Variants in EPB41L1 observed in about 807,000 individuals in gnomAD.
EPB41L1 encodes the protein band 4.1-like protein 1.
EPB41L1 carries 29 observed loss-of-function variants against 97.8 expected under a neutral mutation model. That is an observed-to-expected ratio of 0.30 (90% CI 0.22 to 0.40). EPB41L1 has a LOEUF of 0.40. Ranked by LOEUF, EPB41L1 falls within the 10% of genes least tolerant of loss-of-function variation. The probability of loss-of-function intolerance (pLI) is 1.00; values close to 1 mark genes in which losing one functional copy is unlikely to be tolerated. For synonymous variants in EPB41L1, 383 were observed against 459.2 expected (o/e 0.83, Z 2.12); for missense variants, 812 against 1,162.3 (o/e 0.70, Z 4.38).
intron 1 of EPB41L1, among the ~76,000 whole-genome samples, chr20:36,159,361 T>C (rs753515366): frequency 1.3e-5 from 2 of 152,232 alleles, no homozygotes; most frequent in African/African-American, 2.4e-5. Flanking sequence ...GAACATCCAC[T>C]GGATAAAATA....
In EPB41L1 at chr20:36,185,142, G is replaced by A. The variant is rs1490508752; in HGVS notation, c.592G>A (p.Ala198Thr). The A allele has an allele frequency of 6.2e-7, 1 of 1,612,566 alleles. No homozygotes were observed. Among genetic ancestry groups the A allele is most frequent in the South Asian group, 1.1e-5 (1 of 91,016 alleles). The part of the protein sequence containing the change: ...TRYYLCLQLR[A>T]DIITGRLPCS... ...ATACTACCTGTGCCTGCAGCTGCGGGCAGACATCATCACGGGCCGGCTGCC... is the reference window on the plus strand; with the variant it reads ...ATACTACCTGTGCCTGCAGCTGCGGACAGACATCATCACGGGCCGGCTGCC... The change falls in exon 7 of 22, where the codon GCA becomes ACA. Residue 198 changes from alanine (A) to threonine (T), a missense_variant. Physicochemically the swap from Ala to Thr is moderately conservative, Grantham distance 58. Coordinates refer to ENST00000338074, the MANE Select transcript of EPB41L1 (RefSeq NM_012156.2).
At chr20:36,175,464 C>T in intron 2 of EPB41L1, 87 bp from the exon 3 acceptor site, 1 of 1,522,848 alleles carries the variant, frequency 6.6e-7, no homozygotes, top group East Asian at 2.3e-5. Context: ...GTCTTGGCCC[C>T]AGATGCCTCT....
chr20:36,157,606 GGT>G (rs147240689), intron 1 of EPB41L1, among the ~76,000 whole-genome samples: 11 of 151,760 alleles, frequency 7.2e-5, no homozygotes, highest in Non-Finnish European at 1.2e-4. Flanking sequence ...GTGTGTGAGG[GGT>G]GTGTGTGTGT....
intron 2 of EPB41L1, among the ~76,000 whole-genome samples, chr20:36,145,395 C>CAAA (rs1188803832): frequency 2.1e-4 from 14 of 65,624 alleles, no homozygotes; most frequent in African/African-American, 6.9e-4. Flanking sequence ...GACTCCATCT[C>CAAA]AAAAAAAAAA....
At chr20:36,211,865 T>C (rs1350753288) in intron 15 of EPB41L1, among the ~76,000 whole-genome samples, 1 of 151,634 alleles carries the variant, frequency 6.6e-6, no homozygotes, top group Non-Finnish European at 1.5e-5. Flanking sequence ...AGAAAAAAAA[T>C]AGAAGAGTTC....
chr20:36,181,558 A>G (rs1275527430), intron 5 of EPB41L1, among the ~76,000 whole-genome samples: 1 of 152,154 alleles, frequency 6.6e-6, no homozygotes, highest in Non-Finnish European at 1.5e-5. Context: ...CTTGTTTATA[A>G]TCCAATCCTG....
intron 1 of EPB41L1, among the ~76,000 whole-genome samples, chr20:36,103,445 A>G (rs2058085353): frequency 6.6e-6 from 1 of 152,108 alleles, no homozygotes; most frequent in South Asian, 2.1e-4. Context: ...GTAGGGCAAT[A>G]AGAACTTAAA....
chr20:36,140,724 T>C (rs181563787), intron 2 of EPB41L1, among the ~76,000 whole-genome samples: 64 of 152,300 alleles, frequency 4.2e-4, no homozygotes, highest in Non-Finnish European at 7.5e-4. Context: ...AAATGAATAG[T>C]GCAAGAGGAG....
chr20:36,199,747 C>A (rs1167435910), intron 14 of EPB41L1, among the ~76,000 whole-genome samples: 5 of 152,142 alleles, frequency 3.3e-5, no homozygotes, highest in Non-Finnish European at 5.9e-5. Context: ...CAGCGTGGCC[C>A]CTAATCAATC....
At chr20:36,119,645 AGGAGG>A (rs1453915355) in intron 2 of EPB41L1, among the ~76,000 whole-genome samples, 2 of 54,978 alleles carry the variant, frequency 3.6e-5, no homozygotes, top group African/African-American at 7.3e-5. Flanking sequence ...CGGAGGGGAG[AGGAGG>A]GGAGGGGAGG....
chr20:36,169,097 T>A (rs1428485767), intron 1 of EPB41L1, among the ~76,000 whole-genome samples: 1 of 151,318 alleles, frequency 6.6e-6, no homozygotes, highest in African/African-American at 2.4e-5. Context: ...GCGGTGGCGG[T>A]CACCTGTAAT....
chr20:36,214,554 G>T (rs2063329859), intron 17 of EPB41L1, 114 bp downstream of exon 17: 1 of 825,188 alleles, frequency 1.2e-6, no homozygotes, highest in African/African-American at 1.7e-5. Context: ...TGCCCTCGCT[G>T]CATCAGGCAT....
chr20:36,211,705 T>C (rs886342409), intron 15 of EPB41L1, among the ~76,000 whole-genome samples: 6 of 152,150 alleles, frequency 3.9e-5, no homozygotes, highest in Admixed American at 3.9e-4. Flanking sequence ...AATACAAAAG[T>C]TAGCCGGGTG....
At chr20:36,100,819 A>G (rs907615812) in intron 1 of EPB41L1, among the ~76,000 whole-genome samples, 5 of 152,104 alleles carry the variant, frequency 3.3e-5, no homozygotes, top group African/African-American at 4.8e-5. Flanking sequence ...AGGGCTTCCA[A>G]TCGAGGAATC....
chr20:36,188,695 T>A (rs2146298624), intron 9 of EPB41L1, among the ~76,000 whole-genome samples, 196 bp downstream of exon 9: 1 of 147,776 alleles, frequency 6.8e-6, no homozygotes, highest in Non-Finnish European at 1.5e-5. Context: ...TATAACCACA[T>A]ATGGCCAGGT....
chr20:36,175,758 C>G (rs764130223), intron 3 of EPB41L1, 43 bp downstream of exon 3: 2 of 1,610,342 alleles, frequency 1.2e-6, no homozygotes, highest in Non-Finnish European at 1.7e-6. Context: ...CCCGGTCAGC[C>G]AGCCTCAGGT....
Position 36,212,338 on chromosome 20 carries a change from G to A in EPB41L1, c.2146G>A (p.Val716Ile), listed in dbSNP as rs749634256. 12 of 1,614,072 alleles carry A rather than the reference G, an allele frequency of 7.4e-6. No homozygotes were observed. Among genetic ancestry groups the A allele is most frequent in the Middle Eastern group, 1.6e-4 (1 of 6,084 alleles). Residue 716 changes from valine to isoleucine, a missense_variant, in exon 16 of 22, where the codon GTA becomes ATA. This residue lies in a region of EPB41L1 where 498 missense variants were observed against 622.7 expected (regional missense o/e 0.80). Coordinates refer to ENST00000338074, the MANE Select transcript of EPB41L1 (RefSeq NM_012156.2). The surrounding 1 kb of genome is among the most constrained non-coding windows in gnomAD (Gnocchi z 4.8). Reference protein sequence around the residue: ...AIRKKIEPEAVLQTRVSAMDN... With the variant: ...AIRKKIEPEAILQTRVSAMDN... ...TAGAAAGAAGATTGAGCCGGAGGCC[G>A]TACTGCAGACCAGAGTCTCCGCTAT...
chr20:36,222,313 G>T lies in EPB41L1; in HGVS notation c.2556G>T (p.Gln852His). ...TGGCCATCAAGGAGGCCAAACTGCA[G>T]CATCCTGATATGCTGGTAACCAAAG... ...LALAIKEAKL[Q>H]HPDMLVTKAV... is the part of the protein sequence containing the mutation. The change falls in exon 21 of 22, where the codon CAG becomes CAT. Residue 852 changes from glutamine (Q) to histidine (H), a missense_variant. Physicochemically the swap from Gln to His is conservative, Grantham distance 24. Around this residue, in one of 3 missense-constraint regions of EPB41L1, gnomAD observed 498 missense variants for 622.7 expected, o/e 0.80. Coordinates refer to ENST00000338074, the MANE Select transcript of EPB41L1 (RefSeq NM_012156.2). 6.2e-7 allele frequency: 1 copy of T among 1,614,200 alleles called. No homozygotes were observed. Among genetic ancestry groups the T allele is most frequent in the Non-Finnish European group, 8.5e-7 (1 of 1,180,046 alleles).
At chr20:36,225,750 C>A (rs966564774) in intron 21 of EPB41L1, among the ~76,000 whole-genome samples, 1 of 152,086 alleles carries the variant, frequency 6.6e-6, no homozygotes, top group African/African-American at 2.4e-5. Flanking sequence ...CTCATCTTTC[C>A]CAGGGCATTC....
Sources: allele counts gnomAD v4.1 joint callset (sites outside exome capture counted in the v4.1 genomes callset), GRCh38; gene constraint gnomAD v4.1.1; regional missense constraint gnomAD v4.1.1; non-coding constraint Gnocchi (gnomAD v3.1); transcripts MANE v1.5; gene names NCBI Gene and HGNC (gene_info 2026-07-23, HGNC 2026-07-21).